Variants in PDLIM2 observed in about 807,000 individuals in gnomAD.
The protein encoded by PDLIM2 is PDZ and LIM domain 2, also known as PDZ and LIM domain protein 2.
In PDLIM2, 51 loss-of-function variants were observed where a neutral mutation model predicts 54.1. That is an observed-to-expected ratio of 0.94 (90% CI 0.75 to 1.19). The LOEUF (loss-of-function observed/expected upper bound fraction) is 1.19. Among genes scored for constraint, PDLIM2 ranks in the 50% most tolerant of loss-of-function variants. The pLI is 0.00. For missense variants in PDLIM2, 912 were observed against 874.0 expected, an observed-to-expected ratio of 1.04 and a Z score of -0.55; for synonymous variants, 398 against 385.6, an observed-to-expected ratio of 1.03 and a Z score of -0.38.
chr8:22,585,514 C>A, intron 6 of PDLIM2, 115 bp downstream of exon 5: 1 of 1,007,788 alleles, frequency 9.9e-7, no homozygotes, highest in Non-Finnish European at 1.5e-6. Context: ...CCATGGCCTC[C>A]TTCTCCTGGC....
Position 22,578,843 on chromosome 8 carries a change from G to A in PDLIM2, c.64G>A (p.Ala22Thr), listed in dbSNP as rs1800106557. Residue 22 changes from alanine to threonine, a missense_variant, in exon 1 of 10, where the codon GCG becomes ACG. Coordinates refer to ENST00000308354, the Ensembl canonical transcript of PDLIM2. The stretch of plus-strand genomic sequence containing the variant: ...TATGGGGCTGCCCCCTCGATCGTCT[G>A]CGAAGTGGGGCGCGGGGCAGTCCCT... 8.1e-7 allele frequency: 1 copy of A among 1,234,580 alleles called. No homozygotes were observed. The allele number at this position is 1,234,580 out of a possible 1,614,324, so 76.5% of individuals were successfully genotyped here.
In PDLIM2 at chr8:22,581,455, C is replaced by T. The variant is rs544059643; in HGVS notation, c.920C>T (p.Ala307Val). 8.1e-6 allele frequency: 13 copies of T among 1,607,800 alleles called. No homozygotes were observed. The highest frequency in any genetic ancestry group is 4.5e-5 in the East Asian group (2 of 44,792). The change falls in exon 3 of 10, where the codon GCG becomes GTG. Residue 307 changes from alanine to valine, a missense_variant. Ala to Val is a moderately conservative substitution (Grantham distance 64). Transcript: ENST00000308354. ...ATCGTGGCCATCAACGGGGAAAGCG[C>T]GGAGGGCATGCTGCATGCCGAGGCC...
At chr8:22,582,138 T>C (rs572183789) in intron 3 of PDLIM2, among the ~76,000 whole-genome samples, 1 of 152,244 alleles carries the variant, frequency 6.6e-6, no homozygotes, top group South Asian at 2.1e-4. Context: ...GGTGGGGCAT[T>C]GCAGTGAGTC....
chr8:22,594,104 G>C, exon 10 of PDLIM2: 1 of 1,428,860 alleles, frequency 7.0e-7, no homozygotes, highest in Non-Finnish European at 9.1e-7. Context: ...CACCTTGCCA[G>C]GCCTCTCCCC....
chr8:22,578,990 C>T, exon 1 of PDLIM2: 1 of 1,242,514 alleles, frequency 8.0e-7, no homozygotes, highest in Non-Finnish European at 1.0e-6. Flanking sequence ...GCCTCATCCC[C>T]CCGGCGGGCT....
intron 3 of PDLIM2, among the ~76,000 whole-genome samples, chr8:22,582,999 G>A (rs1312300542): frequency 6.8e-6 from 1 of 148,024 alleles, no homozygotes; most frequent in African/African-American, 2.5e-5. Context: ...CAGGGCTCCA[G>A]GCTGGAGCCA....
At chr8:22,589,137 C>G in intron 6 of PDLIM2, 161 bp from the exon 6 acceptor site, 1 of 571,096 alleles carries the variant, frequency 1.8e-6, no homozygotes, top group Non-Finnish European at 3.1e-6. Flanking sequence ...GGCTGGGAGC[C>G]CCCGACACCT....
At chr8:22,589,156 A>AG (rs2117359904) in intron 6 of PDLIM2, 142 bp from the exon 6 acceptor site, 1 of 752,546 alleles carries the variant, frequency 1.3e-6, no homozygotes, top group South Asian at 1.7e-5. Context: ...CTTGGCTCCA[A>AG]GGGAAGGGGC....
chr8:22,586,815 C>T (rs989651623), intron 6 of PDLIM2, among the ~76,000 whole-genome samples: 11 of 152,298 alleles, frequency 7.2e-5, no homozygotes, highest in Admixed American at 3.3e-4. Flanking sequence ...AGAGGCATGG[C>T]TCCCAAACCA....
chr8:22,585,519 C>A, intron 6 of PDLIM2, 120 bp downstream of exon 5: 1 of 977,162 alleles, frequency 1.0e-6, no homozygotes, highest in Non-Finnish European at 1.5e-6. Flanking sequence ...GCCTCCTTCT[C>A]CTGGCCACAG....
At chr8:22,589,629 C>A in exon 8 of PDLIM2, 1 of 1,598,488 alleles carries the variant, frequency 6.3e-7, no homozygotes, top group Non-Finnish European at 8.5e-7. Context: ...TCCTCCTGGA[C>A]GAGGACTCGG....
At position 22,586,605 on chromosome 8, in the gene PDLIM2, T is replaced by C. The variant is rs184758913; in HGVS notation, c.1290+1206T>C. Among the ~76,000 whole-genome samples, 23 of 152,024 alleles carry C rather than the reference T, an allele frequency of 1.5e-4. 1 individual carries two copies. The highest frequency in any genetic ancestry group is 5.3e-4 in the African/African-American group (22 of 41,410). On this transcript the variant is annotated intron_variant, in intron 6 of 9. Transcript: ENST00000308354. ...CTGATGTATTGGGGCTGGGGGATTT[T>C]TTAGGGGGAACCTTTGTTCTGAGAT...
chr8:22,580,464 C>T lies in PDLIM2; in HGVS notation c.749-139C>T. The T allele has an allele frequency of 2.6e-6, 4 of 1,523,556 alleles. No homozygotes were observed. The highest frequency in any genetic ancestry group is 3.5e-6 in the Non-Finnish European group (4 of 1,136,962). 94.4% of individuals were successfully genotyped at this position (1,523,556 alleles called of 1,614,324 possible). A position where few individuals can be genotyped will look rare whatever the true frequency, so the allele number is the denominator to read the frequency against. On this transcript the variant is annotated intron_variant, in intron 1 of 9. Transcript: ENST00000308354. ...GAGGGAGTTAGCCACTTCCTCTACC[C>T]ACCCCAAAGCCCCTGAGTAGCTGCT...
chr8:22,578,898 G>A, exon 1 of PDLIM2: 17 of 1,238,010 alleles, frequency 1.4e-5, no homozygotes, highest in East Asian at 6.3e-5. Flanking sequence ...CCGGGCAGTC[G>A]GGGGCTTGCG....
intron 3 of PDLIM2, among the ~76,000 whole-genome samples, 167 bp downstream of exon 2, chr8:22,581,697 A>G (rs1800210664): frequency 6.6e-6 from 1 of 152,202 alleles, no homozygotes; most frequent in Non-Finnish European, 1.5e-5. Flanking sequence ...TTCCTGCAGC[A>G]GGGTGGGCTG....
exon 5 of PDLIM2, chr8:22,585,152 A>G (rs373601245): frequency 1.2e-6 from 2 of 1,613,134 alleles, no homozygotes; most frequent in African/African-American, 1.3e-5. Flanking sequence ...AGAGGCAGCC[A>G]TCAGCCGCAG....
In PDLIM2 at chr8:22,582,675, G is replaced by A. The variant is rs1034077113; in HGVS notation, c.995+1145G>A. On this transcript the variant is annotated intron_variant, in intron 3 of 9. Coordinates refer to ENST00000308354, the Ensembl canonical transcript of PDLIM2. ...CGGCTCACTGCCACCTCTGCCTCCC[G>A]GGTTCAAGAGAGTCTCCTGACTCAG... Among the ~76,000 whole-genome samples, 11 of 149,362 alleles carry A rather than the reference G, an allele frequency of 7.4e-5. No homozygotes were observed. In the South Asian group the frequency reaches 1.3e-3, roughly 17 times the overall value.
At chr8:22,580,596 T>C in intron 1 of PDLIM2, 1 of 1,613,942 alleles carries the variant, frequency 6.2e-7, no homozygotes, top group Non-Finnish European at 8.5e-7. Context: ...GGTCCTCTCT[T>C]CCTCAGGTAT....
At chr8:22,591,344 G>C in intron 8 of PDLIM2, 1 of 590,008 alleles carries the variant, frequency 1.7e-6, no homozygotes, top group Non-Finnish European at 3.0e-6. Flanking sequence ...GGGCAAACTC[G>C]GCCTTGTACC....
Sources: gnomAD v4.1 joint callset for allele counts (sites outside exome capture counted in the v4.1 genomes callset) on GRCh38, gnomAD v4.1.1 for gene constraint, MANE v1.5 for transcripts, NCBI Gene and HGNC (gene_info 2026-07-23, HGNC 2026-07-21) for gene names.